CDH7: variants seen among roughly 807,000 people sequenced by gnomAD.
CDH7 encodes cadherin-7.
A neutral mutation model predicts 71.8 loss-of-function variants in CDH7; 25 were observed. That is an observed-to-expected ratio of 0.35 (90% CI 0.25 to 0.49). The LOEUF (loss-of-function observed/expected upper bound fraction) is 0.49. CDH7 is among the 20% of genes least tolerant of loss of function. The pLI is 0.99. For synonymous variants in CDH7, 381 were observed against 363.8 expected (o/e 1.05, Z -0.54); for missense variants, 862 against 974.6 (o/e 0.88, Z 1.54).
upstream of CDH7, chr18:65,750,439 T>G (rs1915829068): frequency 6.6e-6 from 1 of 152,196 alleles, no homozygotes; most frequent in African/African-American, 2.4e-5. Context: ...GCTCCGTGCT[T>G]TCAGATGCAA....
intron 11 of CDH7, among the ~76,000 whole-genome samples, chr18:65,877,960 A>G (rs1045500132): frequency 6.6e-6 from 1 of 152,194 alleles, no homozygotes; most frequent in African/African-American, 2.4e-5. Flanking sequence ...TACTAAGCAT[A>G]CAGTGTTATA....
At chr18:65,847,587 C>T (rs935249660) in intron 7 of CDH7, among the ~76,000 whole-genome samples, 1 of 152,156 alleles carries the variant, frequency 6.6e-6, no homozygotes, top group African/African-American at 2.4e-5. Flanking sequence ...TTTCTACCTA[C>T]TTTACTGAAG....
intron 2 of CDH7, among the ~76,000 whole-genome samples, chr18:65,776,910 T>C (rs1273624252): frequency 6.6e-6 from 1 of 152,198 alleles, no homozygotes; most frequent in Middle Eastern, 3.2e-3. Flanking sequence ...TTGATATAAT[T>C]TACATACTTC....
Position 65,890,256 on chromosome 18 carries a change from G to A in CDH7, c.*9362G>A, listed in dbSNP as rs1408709766. The A allele has an allele frequency of 1.3e-5, 2 of 152,120 alleles. No homozygotes were observed. Among genetic ancestry groups the A allele is most frequent in the Non-Finnish European group, 2.9e-5 (2 of 68,016 alleles). The allele number at this position is 152,120 out of a possible 1,614,324, so 9.4% of individuals were successfully genotyped here. A position where few individuals can be genotyped will look rare whatever the true frequency, so the allele number is the denominator to read the frequency against. ...TTCAATTCTAGCAAAAATAAACTATGTGCACTCATCAAAATGTGTGGCACA... is the reference window on the plus strand; with the variant it reads ...TTCAATTCTAGCAAAAATAAACTATATGCACTCATCAAAATGTGTGGCACA... On this transcript the variant is annotated 3_prime_UTR_variant, in exon 12 of 12. Coordinates refer to ENST00000397968, the MANE Select transcript of CDH7 (RefSeq NM_004361.5).
chr18:65,821,035 A>T (rs1599029407), intron 4 of CDH7, among the ~76,000 whole-genome samples: 1 of 152,144 alleles, frequency 6.6e-6, no homozygotes, highest in African/African-American at 2.4e-5. Flanking sequence ...TAAATGAAAT[A>T]TGTGTTGGTC....
chr18:65,813,584 A>C (rs1911619649), intron 3 of CDH7, among the ~76,000 whole-genome samples: 1 of 152,106 alleles, frequency 6.6e-6, no homozygotes, highest in African/African-American at 2.4e-5. Context: ...TATTTGTAAC[A>C]AACTAGGACC....
intron 2 of CDH7, among the ~76,000 whole-genome samples, chr18:65,806,598 C>T (rs1203855188): frequency 6.6e-6 from 1 of 151,774 alleles, no homozygotes; most frequent in Non-Finnish European, 1.5e-5. Flanking sequence ...AAGGTTTTCA[C>T]AGTAGAGAGT....
Position 65,859,782 on chromosome 18 carries a change from G to C in CDH7, c.1569G>C (p.Thr523=). The part of the protein sequence containing the change: ...NGHQFYFSLT[T]DATNNHNFSL... ...ACCAGTTTTACTTCAGCTTAACAACGGATGCAACAAATAACCACAACTTTT... is the reference window on the plus strand; with the variant it reads ...ACCAGTTTTACTTCAGCTTAACAACCGATGCAACAAATAACCACAACTTTT... Residue 523 remains threonine, a synonymous_variant, in exon 10 of 12, where the codon ACG becomes ACC. Coordinates refer to ENST00000397968, the MANE Select transcript of CDH7 (RefSeq NM_004361.5). The C allele has an allele frequency of 1.2e-6, 2 of 1,610,164 alleles. No individual in the cohort carries two copies. Among genetic ancestry groups the C allele is most frequent in the Non-Finnish European group, 1.7e-6 (2 of 1,176,606 alleles).
chr18:65,808,252 C>T (rs1198781708), intron 2 of CDH7, among the ~76,000 whole-genome samples: 1 of 152,180 alleles, frequency 6.6e-6, no homozygotes, highest in Non-Finnish European at 1.5e-5. Flanking sequence ...TAGTGACTGA[C>T]ATCTAGGAAG....
intron 4 of CDH7, among the ~76,000 whole-genome samples, chr18:65,820,528 C>G (rs1355396011): frequency 6.6e-6 from 1 of 152,034 alleles, no homozygotes; most frequent in African/African-American, 2.4e-5. Context: ...TGAGCAAATG[C>G]CATACAAGTA....
chr18:65,873,764 A>G (rs1055810262), intron 11 of CDH7, among the ~76,000 whole-genome samples: 3 of 152,184 alleles, frequency 2.0e-5, no homozygotes, highest in African/African-American at 7.2e-5. Context: ...TGTTTTTGGT[A>G]AAGACTTACT....
chr18:65,838,765 A>T (rs1156304200), intron 6 of CDH7, among the ~76,000 whole-genome samples: 5 of 152,220 alleles, frequency 3.3e-5, no homozygotes, highest in Admixed American at 6.5e-5. Context: ...TGAAAAGGCT[A>T]CAAATGGCAA....
intron 2 of CDH7, among the ~76,000 whole-genome samples, chr18:65,784,084 T>G (rs1190570070): frequency 6.7e-6 from 1 of 149,088 alleles, no homozygotes; most frequent in African/African-American, 2.5e-5. Context: ...CTTGAGTAGC[T>G]GGGAACACAG....
chr18:65,823,612 G>T (rs1188534600), intron 5 of CDH7, among the ~76,000 whole-genome samples: 1 of 151,842 alleles, frequency 6.6e-6, no homozygotes, highest in African/African-American at 2.4e-5. Flanking sequence ...TGTGAAAGGG[G>T]TCACTCAAAA....
At chr18:65,872,315 G>A (rs1913951804) in intron 11 of CDH7, among the ~76,000 whole-genome samples, 1 of 152,152 alleles carries the variant, frequency 6.6e-6, no homozygotes, top group Non-Finnish European at 1.5e-5. Flanking sequence ...GCTCTGGTTT[G>A]AGAGCAGTCA....
intron 6 of CDH7, among the ~76,000 whole-genome samples, chr18:65,840,140 C>A (rs1402541073): frequency 6.6e-6 from 1 of 152,174 alleles, no homozygotes; most frequent in African/African-American, 2.4e-5. Flanking sequence ...TGTTTGCAGA[C>A]CCTTGCTTTA....
At chr18:65,857,027 A>G (rs1913383375) in intron 7 of CDH7, among the ~76,000 whole-genome samples, 1 of 133,832 alleles carries the variant, frequency 7.5e-6, no homozygotes, top group South Asian at 2.8e-4. Context: ...AAAAAAAAAA[A>G]AAAGAAAGAG....
At chr18:65,788,671 T>C (rs1910598067) in intron 2 of CDH7, among the ~76,000 whole-genome samples, 1 of 152,206 alleles carries the variant, frequency 6.6e-6, no homozygotes, top group South Asian at 2.1e-4. Context: ...AGCTTTTTGC[T>C]GATGCCACTT....
chr18:65,767,083 CTCTT>C (rs1568174210), intron 2 of CDH7, among the ~76,000 whole-genome samples: 1 of 145,892 alleles, frequency 6.9e-6, no homozygotes, highest in African/African-American at 2.7e-5. Context: ...GTTAACATCA[CTCTT>C]TCTTTCTTTT....
Sources: gnomAD v4.1 joint callset for allele counts (sites outside exome capture counted in the v4.1 genomes callset) on GRCh38, gnomAD v4.1.1 for gene constraint, MANE v1.5 for transcripts, NCBI Gene and HGNC (gene_info 2026-07-23, HGNC 2026-07-21) for gene names.